Variants in KLF13 observed in about 807,000 individuals in gnomAD.
KLF13 encodes the protein KLF transcription factor 13.
Under a neutral mutation model 16.7 loss-of-function variants are expected in KLF13, and 8 were observed. That is an observed-to-expected ratio of 0.48 (90% confidence interval 0.28 to 0.87). KLF13 has a LOEUF of 0.87. Among genes scored for constraint, KLF13 ranks in the 40% least tolerant of loss-of-function variants. The pLI is 0.10. For synonymous variants in KLF13, 245 were observed against 208.4 expected (o/e 1.18, Z -1.51); for missense variants, 447 against 452.2 (o/e 0.99, Z 0.10).
intron 1 of KLF13, among the ~76,000 whole-genome samples, chr15:31,429,761 A>T (rs1044925717): frequency 3.4e-5 from 5 of 149,252 alleles, no homozygotes; most frequent in African/African-American, 1.2e-4. Context: ...TGAGATGGAG[A>T]CTCACTCTGT....
chr15:31,393,058 G>A (rs978612399), exon 1 of KLF13: 1 of 152,612 alleles, frequency 6.6e-6, no homozygotes, highest in Non-Finnish European at 1.5e-5. Context: ...CAGCCTGGGA[G>A]AGCCTCCAAG....
chr15:31,433,508 C>G lies in KLF13; in HGVS notation n.118-1862C>G, dbSNP rs897189212. Among the ~76,000 whole-genome samples, 3 of 152,200 alleles carry G rather than the reference C, an allele frequency of 2.0e-5. No individual in the cohort carries two copies. The East Asian group carries it at 5.8e-4, about 29-fold the overall frequency. On this transcript the variant is annotated intron_variant and non_coding_transcript_variant, in intron 1 of 1. Coordinates refer to the KLF13 transcript ENST00000558225. ...TCCACTCTCTTCCACCAGGGTCCCC[C>G]CCTTCCCCAGTCCCTGTGTGCTCTG...
intron 1 of KLF13, among the ~76,000 whole-genome samples, chr15:31,360,464 C>G (rs1016105964): frequency 6.6e-6 from 1 of 152,182 alleles, no homozygotes; most frequent in Admixed American, 6.5e-5. Context: ...GGACAGGGCC[C>G]GGGGCTGCCA....
intron 1 of KLF13, among the ~76,000 whole-genome samples, chr15:31,367,082 G>A (rs1403018302): frequency 1.3e-5 from 2 of 152,182 alleles, no homozygotes; most frequent in African/African-American, 4.8e-5. Flanking sequence ...GGCTCCCTGC[G>A]GATCATGTGG....
At chr15:31,390,114 G>T (rs1221060069), upstream of KLF13, among the ~76,000 whole-genome samples, 1 of 152,072 alleles carries the variant, frequency 6.6e-6, no homozygotes, top group Non-Finnish European at 1.5e-5. Context: ...TGTGGCCTCA[G>T]TTTTGCCACC....
downstream of KLF13, among the ~76,000 whole-genome samples, chr15:31,409,130 CA>C (rs2040162424): frequency 6.6e-6 from 1 of 152,012 alleles, no homozygotes; most frequent in Non-Finnish European, 1.5e-5. Flanking sequence ...ACTAAAAATA[CA>C]AAAATTTGCC....
downstream of KLF13, among the ~76,000 whole-genome samples, chr15:31,409,178 G>A (rs893953220): frequency 2.6e-5 from 4 of 151,896 alleles, no homozygotes; most frequent in East Asian, 7.7e-4. Context: ...TCAGCTACTC[G>A]GGAGGCTGAG....
chr15:31,396,543 G>A lies in KLF13; in HGVS notation n.529+2852G>A, dbSNP rs554270869. 3.6e-4 allele frequency among the ~76,000 whole-genome samples: 55 copies of A among 152,296 alleles called. No homozygotes were observed. The East Asian group carries it at 4.8e-3, about 13-fold the overall frequency. Reference sequence around the variant, plus strand: ...GTCAGTGATGAAATCTTAGGGAGTCGAAGCTGTCTTCTTGCATTGAGTCAG... The same window carrying A: ...GTCAGTGATGAAATCTTAGGGAGTCAAAGCTGTCTTCTTGCATTGAGTCAG... On this transcript the variant is annotated intron_variant and non_coding_transcript_variant, in intron 2 of 2. Coordinates refer to the KLF13 transcript ENST00000500533.
intron 1 of KLF13, among the ~76,000 whole-genome samples, chr15:31,371,075 G>C (rs1264450778): frequency 2.6e-5 from 4 of 152,166 alleles, no homozygotes; most frequent in Non-Finnish European, 5.9e-5. Context: ...CAGCCCTGCG[G>C]CCACCCCTAA....
At chr15:31,397,874 C>CT (rs2039975457) in intron 2 of KLF13, among the ~76,000 whole-genome samples, 1 of 90,422 alleles carries the variant, frequency 1.1e-5, no homozygotes, top group Non-Finnish European at 2.2e-5. Flanking sequence ...GGGGTGGCGG[C>CT]GGGGGGGGTG....
chr15:31,337,489 T>A (rs546523773), intron 1 of KLF13, among the ~76,000 whole-genome samples: 13 of 152,182 alleles, frequency 8.5e-5, no homozygotes, highest in African/African-American at 3.1e-4. Flanking sequence ...CAGTCATAGG[T>A]TGCTTAATGA....
intron 1 of KLF13, among the ~76,000 whole-genome samples, chr15:31,339,314 A>G (rs962849779): frequency 4.6e-5 from 7 of 152,036 alleles, no homozygotes; most frequent in Admixed American, 2.0e-4. Flanking sequence ...GGTTTCTATA[A>G]TTTCTTAATA....
chr15:31,395,259 C>T (rs2039939118), intron 2 of KLF13, among the ~76,000 whole-genome samples: 2 of 152,154 alleles, frequency 1.3e-5, no homozygotes, highest in African/African-American at 4.8e-5. Flanking sequence ...AGATTACAGG[C>T]GTGAGCCACT....
chr15:31,333,349 C>G (rs890045548), intron 1 of KLF13, among the ~76,000 whole-genome samples: 8 of 152,224 alleles, frequency 5.3e-5, no homozygotes, highest in African/African-American at 1.9e-4. Context: ...CTGTGTCCTA[C>G]TGCCACTCCT....
At chr15:31,383,739 A>C (rs1448993095) in intron 1 of KLF13, among the ~76,000 whole-genome samples, 1 of 152,006 alleles carries the variant, frequency 6.6e-6, no homozygotes, top group Non-Finnish European at 1.5e-5. Flanking sequence ...TTTCTACTAA[A>C]AATGCAAAAA....
At chr15:31,400,914 C>CT (rs2040026492) in intron 2 of KLF13, among the ~76,000 whole-genome samples, 1 of 152,112 alleles carries the variant, frequency 6.6e-6, no homozygotes. Flanking sequence ...GTTTGAGCAC[C>CT]TGGAAGCGTC....
chr15:31,385,068 A>ATC (rs1222095718), intron 1 of KLF13, among the ~76,000 whole-genome samples: 1 of 152,182 alleles, frequency 6.6e-6, no homozygotes, highest in African/African-American at 2.4e-5. Context: ...GAGAGGGATG[A>ATC]TCTCTCTCTC....
At chr15:31,410,586 C>A (rs1055700309) in intron 1 of KLF13, among the ~76,000 whole-genome samples, 4 of 8,524 alleles carry the variant, frequency 4.7e-4, no homozygotes, top group African/African-American at 6.0e-4. Flanking sequence ...CCAACCAACA[C>A]ACACACACAC....
At chr15:31,364,676 G>A (rs1387762157) in intron 1 of KLF13, among the ~76,000 whole-genome samples, 3 of 152,238 alleles carry the variant, frequency 2.0e-5, no homozygotes, top group Non-Finnish European at 4.4e-5. Flanking sequence ...CTGCTTCCTT[G>A]CCCCAGGCAG....
Sources: gnomAD v4.1 joint callset for allele counts (sites outside exome capture counted in the v4.1 genomes callset) on GRCh38, gnomAD v4.1.1 for gene constraint, MANE v1.5 for transcripts, NCBI Gene and HGNC (gene_info 2026-07-23, HGNC 2026-07-21) for gene names.